The following AGBL1 variants were observed in gnomAD, a reference collection of about 807,000 sequenced individuals.
The protein encoded by AGBL1 is cytosolic carboxypeptidase 4.
In AGBL1, 130 loss-of-function variants were observed where a neutral mutation model predicts 118.9. The observed-to-expected ratio is 1.09, with a 90% CI of 0.95 to 1.26. The LOEUF (loss-of-function observed/expected upper bound fraction) is 1.26. Among genes scored for constraint, AGBL1 ranks in the 50% most tolerant of loss-of-function variants. The probability of loss-of-function intolerance (pLI) is 0.00; values close to 1 mark genes in which losing one functional copy is unlikely to be tolerated. For synonymous variants in AGBL1, 555 were observed against 478.9 expected (o/e 1.16, Z -2.08); for missense variants, 1,584 against 1,298.1 (o/e 1.22, Z -3.38).
chr15:86,972,781 T>G (rs1031014871), intron 23 of AGBL1, among the ~76,000 whole-genome samples: 3 of 152,096 alleles, frequency 2.0e-5, no homozygotes, highest in Non-Finnish European at 2.9e-5. Flanking sequence ...TTTCATTGTA[T>G]GCTAATCTAT....
intron 19 of AGBL1, among the ~76,000 whole-genome samples, chr15:86,526,413 CAT>C (rs2083262487): frequency 6.6e-6 from 1 of 151,762 alleles, no homozygotes; most frequent in African/African-American, 2.4e-5. Context: ...TATACCTGCA[CAT>C]ATATGTTTAT....
chr15:86,225,985 GGACTTGACAT>G (rs2078355658), intron 6 of AGBL1, among the ~76,000 whole-genome samples: 2 of 152,048 alleles, frequency 1.3e-5, no homozygotes, highest in Admixed American at 1.3e-4. Flanking sequence ...CCACATCTGT[GGACTTGACAT>G]GAGATAAGCT....
At chr15:86,680,903 T>A (rs2085942840) in intron 22 of AGBL1, among the ~76,000 whole-genome samples, 1 of 152,128 alleles carries the variant, frequency 6.6e-6, no homozygotes. Context: ...TTGTAGTAGT[T>A]TCTCTGTGTT....
intron 22 of AGBL1, among the ~76,000 whole-genome samples, chr15:86,881,303 G>T (rs184013370): frequency 6.6e-6 from 1 of 152,086 alleles, no homozygotes; most frequent in Non-Finnish European, 1.5e-5. Flanking sequence ...AAGAAACCTC[G>T]TGGAATGCTC....
intron 17 of AGBL1, among the ~76,000 whole-genome samples, chr15:86,298,415 CTG>C (rs1424267375): frequency 1.4e-5 from 2 of 145,334 alleles, no homozygotes; most frequent in East Asian, 2.0e-4. Flanking sequence ...CATGCCGTTG[CTG>C]TGTTTCTAAA....
intron 21 of AGBL1, among the ~76,000 whole-genome samples, chr15:86,622,787 GTACTT>G (rs1431178744): frequency 6.6e-6 from 1 of 152,074 alleles, no homozygotes; most frequent in Non-Finnish European, 1.5e-5. Flanking sequence ...TGTTTACCGT[GTACTT>G]TATTTTTATT....
intron 18 of AGBL1, among the ~76,000 whole-genome samples, chr15:86,501,367 T>C (rs2082915571): frequency 6.6e-6 from 1 of 151,602 alleles, no homozygotes; most frequent in Non-Finnish European, 1.5e-5. Flanking sequence ...TATTATTGAG[T>C]ATAAGAAAAT....
intron 22 of AGBL1, among the ~76,000 whole-genome samples, chr15:86,808,479 G>A (rs932679229): frequency 2.9e-4 from 44 of 151,954 alleles, no homozygotes; most frequent in Non-Finnish European, 2.9e-4. Flanking sequence ...ATATAAAAAT[G>A]GCTATAAACC....
At chr15:86,716,227 G>A (rs1465173415) in intron 22 of AGBL1, among the ~76,000 whole-genome samples, 1 of 152,072 alleles carries the variant, frequency 6.6e-6, no homozygotes, top group Non-Finnish European at 1.5e-5. Flanking sequence ...AAGGATTTCA[G>A]TGAAGATGCT....
chr15:86,194,306 A>G (rs2077766552), intron 5 of AGBL1, among the ~76,000 whole-genome samples: 1 of 152,222 alleles, frequency 6.6e-6, no homozygotes, highest in South Asian at 2.1e-4. Flanking sequence ...CTACTCATTT[A>G]TCAAGATGTC....
chr15:86,187,915 T>A (rs185191658), intron 5 of AGBL1, among the ~76,000 whole-genome samples: 50 of 152,300 alleles, frequency 3.3e-4, no homozygotes, highest in African/African-American at 1.1e-3. Context: ...GCATTCAGGG[T>A]TGGAAATTAA....
intron 5 of AGBL1, among the ~76,000 whole-genome samples, chr15:86,213,946 C>A (rs1409506711): frequency 6.6e-6 from 1 of 152,138 alleles, no homozygotes; most frequent in African/African-American, 2.4e-5. Flanking sequence ...CCCTGGTAAC[C>A]ACTGATCTAC....
intron 9 of AGBL1, among the ~76,000 whole-genome samples, chr15:86,259,184 T>C (rs965442867): frequency 6.6e-6 from 1 of 152,228 alleles, no homozygotes; most frequent in African/African-American, 2.4e-5. Flanking sequence ...ACCCACTGGA[T>C]ATCAGTAGTA....
At chr15:86,130,720 C>G (rs1367136342) in intron 1 of AGBL1, among the ~76,000 whole-genome samples, 1 of 152,074 alleles carries the variant, frequency 6.6e-6, no homozygotes, top group East Asian at 1.9e-4. Flanking sequence ...ATTTTCAATG[C>G]TTTTTATTGA....
chr15:86,424,023 A>G (rs1227465954), intron 18 of AGBL1, among the ~76,000 whole-genome samples: 1 of 152,228 alleles, frequency 6.6e-6, no homozygotes, highest in Non-Finnish European at 1.5e-5. Context: ...ACAGAATTAG[A>G]AAATCAACTT....
At chr15:86,707,357 T>C (rs1036688045) in intron 22 of AGBL1, among the ~76,000 whole-genome samples, 1 of 152,124 alleles carries the variant, frequency 6.6e-6, no homozygotes, top group African/African-American at 2.4e-5. Context: ...CAGTTGGAGG[T>C]TACTCTGTAA....
intron 22 of AGBL1, among the ~76,000 whole-genome samples, chr15:86,726,141 A>G (rs1381557854): frequency 6.6e-6 from 1 of 152,242 alleles, no homozygotes; most frequent in Non-Finnish European, 1.5e-5. Flanking sequence ...AATATACATT[A>G]ACTTATTAGA....
intron 18 of AGBL1, among the ~76,000 whole-genome samples, chr15:86,448,684 G>A (rs982659047): frequency 1.5e-5 from 2 of 130,892 alleles, no homozygotes; most frequent in African/African-American, 6.5e-5. Context: ...ATTGAATGTG[G>A]GGGCAATCAG....
chr15:86,741,656 C>A (rs554134984), intron 22 of AGBL1, among the ~76,000 whole-genome samples: 1 of 151,946 alleles, frequency 6.6e-6, no homozygotes, highest in African/African-American at 2.4e-5. Context: ...ATACACTGTT[C>A]TAATTGACCT....
Sources: gnomAD v4.1 joint callset for allele counts (sites outside exome capture counted in the v4.1 genomes callset) on GRCh38, gnomAD v4.1.1 for gene constraint, MANE v1.5 for transcripts, NCBI Gene and HGNC (gene_info 2026-07-23, HGNC 2026-07-21) for gene names.